The following FOCAD variants were observed in gnomAD, a reference collection of about 807,000 sequenced individuals.
FOCAD encodes the protein KIAA1797.
In FOCAD, 198 loss-of-function variants were observed where a neutral mutation model predicts 225.6. The ratio of observed to expected loss-of-function variants is 0.88; its 90% CI spans 0.78 to 0.99. The LOEUF (loss-of-function observed/expected upper bound fraction) is 0.99, where lower values mean the gene tolerates loss of function less well. FOCAD is among the 50% of genes least tolerant of loss of function. The pLI, the probability that FOCAD is intolerant of heterozygous loss-of-function variation, is 0.00. For synonymous variants in FOCAD, 897 were observed against 755.0 expected (o/e 1.19, Z -3.08); for missense variants, 2,713 against 2,123.6 (o/e 1.28, Z -5.46).
chr9:20,729,378 C>A (rs1472909625), intron 4 of FOCAD, among the ~76,000 whole-genome samples: 1 of 152,180 alleles, frequency 6.6e-6, no homozygotes, highest in African/African-American at 2.4e-5. Flanking sequence ...ATCTCTTTGT[C>A]TCCAATACAG....
At chr9:20,697,975 C>T (rs568941149) in intron 1 of FOCAD, among the ~76,000 whole-genome samples, 1 of 152,188 alleles carries the variant, frequency 6.6e-6, no homozygotes, top group Non-Finnish European at 1.5e-5. Context: ...GTGTGACTTT[C>T]GCATTAAATA....
At chr9:20,737,434 A>C (rs1193724788) in intron 4 of FOCAD, among the ~76,000 whole-genome samples, 1 of 152,252 alleles carries the variant, frequency 6.6e-6, no homozygotes, top group Non-Finnish European at 1.5e-5. Context: ...GAAGAAATTC[A>C]GTCAGAAATT....
At chr9:20,834,312 G>A (rs1439691994) in intron 15 of FOCAD, among the ~76,000 whole-genome samples, 2 of 151,968 alleles carry the variant, frequency 1.3e-5, no homozygotes, top group African/African-American at 4.8e-5. Context: ...GGGAGGGGGA[G>A]GGAGAGCATC....
intron 1 of FOCAD, among the ~76,000 whole-genome samples, chr9:20,708,567 T>A (rs1824574087): frequency 6.6e-6 from 1 of 152,078 alleles, no homozygotes; most frequent in Non-Finnish European, 1.5e-5. Context: ...CCCAGGAGTT[T>A]GAGACCAGCC....
At position 20,841,409 on chromosome 9, in the gene FOCAD, T is replaced by C. The variant is rs1826515472; in HGVS notation, c.1920+18294T>C. Reference sequence around the variant, plus strand: ...TCAGTTTCTGGGCTTTTTTTTTTGATGGAAGACTTTATTTTGGCATTGCTC... The same window carrying C: ...TCAGTTTCTGGGCTTTTTTTTTTGACGGAAGACTTTATTTTGGCATTGCTC... On this transcript the variant is annotated intron_variant, in intron 15 of 43. Transcript: ENST00000338382. 2.6e-5 allele frequency among the ~76,000 whole-genome samples: 4 copies of C among 151,796 alleles called. No homozygotes were observed. The South Asian group carries it at 8.3e-4, about 31-fold the overall frequency.
At chr9:20,869,748 G>A (rs1829604102) in intron 18 of FOCAD, among the ~76,000 whole-genome samples, 1 of 152,040 alleles carries the variant, frequency 6.6e-6, no homozygotes, top group African/African-American at 2.4e-5. Flanking sequence ...TAATTTATTT[G>A]GTATATACTA....
intron 24 of FOCAD, among the ~76,000 whole-genome samples, 195 bp from the exon 25 acceptor site, chr9:20,923,465 A>G (rs1173854542): frequency 6.6e-6 from 1 of 152,212 alleles, no homozygotes; most frequent in Non-Finnish European, 1.5e-5. Flanking sequence ...TGATAAGAAG[A>G]ATTCAGAAAC....
intron 4 of FOCAD, among the ~76,000 whole-genome samples, chr9:20,728,148 A>T (rs972760835): frequency 2.0e-5 from 3 of 152,118 alleles, no homozygotes; most frequent in African/African-American, 7.2e-5. Context: ...ATTAAAAAAA[A>T]ATTTTTTTTG....
chr9:20,955,157 A>G (rs1292772610), intron 35 of FOCAD, among the ~76,000 whole-genome samples: 2 of 152,210 alleles, frequency 1.3e-5, no homozygotes, highest in Non-Finnish European at 2.9e-5. Context: ...TGCTTAGCAT[A>G]GGCAGAAAAG....
In FOCAD at chr9:20,677,578, G is replaced by A. The variant is rs140217592; in HGVS notation, c.-77-16942G>A. On this transcript the variant is annotated intron_variant, in intron 2 of 45. Transcript: ENST00000380249. Reference sequence around the variant, plus strand: ...ACCTGATAGACATTTCTCCAAAGAAGACATACAAATGGCCAATAGATATAG... The same window carrying A: ...ACCTGATAGACATTTCTCCAAAGAAAACATACAAATGGCCAATAGATATAG... Among the ~76,000 whole-genome samples the A allele has an allele frequency of 7.3e-3, 1,108 of 151,566 alleles. 16 individuals are homozygous for A. Among genetic ancestry groups the A allele is most frequent in the Non-Finnish European group, 0.01 (703 of 67,958 alleles).
At chr9:20,678,045 A>G (rs755312083) in intron 2 of FOCAD, among the ~76,000 whole-genome samples, 3 of 152,190 alleles carry the variant, frequency 2.0e-5, no homozygotes, top group Non-Finnish European at 4.4e-5. Flanking sequence ...CACCTCCAAT[A>G]ATTAAAAACA....
At chr9:20,949,005 T>C in intron 32 of FOCAD, 77 bp downstream of exon 32, 2 of 1,345,516 alleles carry the variant, frequency 1.5e-6, no homozygotes, top group African/African-American at 2.9e-5. Flanking sequence ...CCCAGTGTTT[T>C]AGTATGCTAA....
chr9:20,827,961 C>T (rs1219178462), intron 15 of FOCAD, among the ~76,000 whole-genome samples: 1 of 151,880 alleles, frequency 6.6e-6, no homozygotes, highest in Non-Finnish European at 1.5e-5. Context: ...TGGCTTGAAA[C>T]CAAGAGTTTG....
chr9:20,845,372 A>G (rs925717767), intron 15 of FOCAD, among the ~76,000 whole-genome samples: 6 of 150,292 alleles, frequency 4.0e-5, no homozygotes, highest in Non-Finnish European at 7.4e-5. Context: ...TTTAGAAATG[A>G]GATTGTACTG....
At chr9:20,924,206 TGTG>T (rs1431547548) in intron 25 of FOCAD, among the ~76,000 whole-genome samples, 3 of 152,238 alleles carry the variant, frequency 2.0e-5, no homozygotes, top group Admixed American at 6.5e-5. Context: ...TAATTAAACA[TGTG>T]GTGAGCTGGC....
At chr9:20,761,414 G>T (rs1288332301) in intron 6 of FOCAD, among the ~76,000 whole-genome samples, 1 of 151,664 alleles carries the variant, frequency 6.6e-6, no homozygotes, top group Non-Finnish European at 1.5e-5. Context: ...TAAAGCCTCC[G>T]TTATTTTTAT....
intron 42 of FOCAD, among the ~76,000 whole-genome samples, 175 bp downstream of exon 42, chr9:20,990,549 C>G (rs994213349): frequency 6.6e-6 from 1 of 152,196 alleles, no homozygotes; most frequent in African/African-American, 2.4e-5. Context: ...AGCCCAGGCT[C>G]GGGGCAACTG....
chr9:20,900,035 A>G (rs1245206084), intron 21 of FOCAD, among the ~76,000 whole-genome samples: 2 of 151,918 alleles, frequency 1.3e-5, no homozygotes, highest in Non-Finnish European at 2.9e-5. Context: ...TTTTGTTCTT[A>G]TGTATACCTA....
In FOCAD at chr9:20,748,294, A is replaced by T. The variant is rs138651828; in HGVS notation, c.392+7954A>T. Reference sequence around the variant, plus strand: ...GACAGAACATATCATATAACTTTTTAAATTTTTTTTTGGAAATGGTCTTTA... The same window carrying T: ...GACAGAACATATCATATAACTTTTTTAATTTTTTTTTGGAAATGGTCTTTA... On this transcript the variant is annotated intron_variant, in intron 5 of 43. Coordinates refer to ENST00000338382, the MANE Select transcript of FOCAD (RefSeq NM_001375567.1). Among the ~76,000 whole-genome samples, 300 of 152,104 alleles carry T rather than the reference A, an allele frequency of 2.0e-3. 4 individuals are homozygous for T. The East Asian group carries it at 0.043, about 22-fold the overall frequency.
Sources: gnomAD v4.1 joint callset for allele counts (sites outside exome capture counted in the v4.1 genomes callset) on GRCh38, gnomAD v4.1.1 for gene constraint, MANE v1.5 for transcripts, NCBI Gene and HGNC (gene_info 2026-07-23, HGNC 2026-07-21) for gene names.